The following SMCO2 variants were observed in gnomAD, a reference collection of about 807,000 sequenced individuals.
SMCO2 encodes single-pass membrane protein with coiled-coil domains 2, also known as single-pass membrane and coiled-coil domain-containing protein 2.
Under a neutral mutation model 29.5 loss-of-function variants are expected in SMCO2, and 25 were observed. The observed-to-expected ratio is 0.85, with a 90% confidence interval of 0.62 to 1.18. The LOEUF (loss-of-function observed/expected upper bound fraction) is 1.18. Ranked by LOEUF, SMCO2 falls within the 50% of genes most tolerant of loss-of-function variation. SMCO2 has a pLI of 0.00. For synonymous variants in SMCO2, 117 were observed against 123.3 expected (o/e 0.95, Z 0.34); for missense variants, 348 against 344.5 (o/e 1.01, Z -0.08).
chr12:27,423,662 A>G, the SMCO2 span: 1 of 152,024 alleles, frequency 6.6e-6, no homozygotes, highest in South Asian at 2.1e-4. Flanking sequence ...AAGAATTACC[A>G]CTACAGTAAT....
At chr12:27,490,482 A>G (rs1018588323) in intron 5 of SMCO2, among the ~76,000 whole-genome samples, 2 of 152,238 alleles carry the variant, frequency 1.3e-5, no homozygotes, top group Non-Finnish European at 2.9e-5. Flanking sequence ...ATAGAACTGT[A>G]TACTTTAAAA....
intron 4 of SMCO2, among the ~76,000 whole-genome samples, chr12:27,488,178 T>A: frequency 6.6e-6 from 1 of 152,204 alleles, no homozygotes; most frequent in Non-Finnish European, 1.5e-5. Flanking sequence ...CCCCCAAATT[T>A]TCTGTGTGTT....
chr12:27,497,732 C>CA (rs544348765), intron 7 of SMCO2: 4,308 of 89,272 alleles, frequency 0.048, 185 homozygotes, highest in African/African-American at 0.1. Flanking sequence ...GACCTGGTCT[C>CA]AAAAAAAAAA....
intron 4 of SMCO2, among the ~76,000 whole-genome samples, chr12:27,480,448 C>A (rs767894626): frequency 6.6e-6 from 1 of 152,308 alleles, no homozygotes; most frequent in East Asian, 1.9e-4. Context: ...TTAATCCAGT[C>A]AAGTTGACAT....
chr12:27,502,176 T>C, exon 8 of SMCO2: 2 of 1,355,386 alleles, frequency 1.5e-6, no homozygotes, highest in Admixed American at 3.1e-5. Context: ...ACATTGTGGC[T>C]GTTCCTGTAT....
intron 4 of SMCO2, among the ~76,000 whole-genome samples, chr12:27,488,121 T>C (rs1949705013): frequency 6.6e-6 from 1 of 152,166 alleles, no homozygotes; most frequent in Non-Finnish European, 1.5e-5. Flanking sequence ...CTCTTACAGA[T>C]TATATAATTG....
At chr12:27,502,084 T>C (rs768765170) in exon 8 of SMCO2, 2 of 1,543,566 alleles carry the variant, frequency 1.3e-6, no homozygotes, top group Admixed American at 2.0e-5. Context: ...AGAGAGCCTT[T>C]CTTGAATTTG....
the SMCO2 span, among the ~76,000 whole-genome samples, chr12:27,453,269 C>T: frequency 6.6e-6 from 1 of 152,158 alleles, no homozygotes; most frequent in Non-Finnish European, 1.5e-5. Context: ...TGGGTACACT[C>T]CCTGTTGTTC....
the SMCO2 span, among the ~76,000 whole-genome samples, chr12:27,429,620 G>T: frequency 6.6e-6 from 1 of 152,200 alleles, no homozygotes; most frequent in South Asian, 2.1e-4. Context: ...GGCCCAGAAT[G>T]AGTATAGAAT....
chr12:27,449,708 TA>T, the SMCO2 span, among the ~76,000 whole-genome samples: 1 of 152,230 alleles, frequency 6.6e-6, no homozygotes, highest in Non-Finnish European at 1.5e-5. Flanking sequence ...GATGCACTGA[TA>T]ACACCAATTA....
the SMCO2 span, among the ~76,000 whole-genome samples, chr12:27,442,555 T>C: frequency 6.6e-6 from 1 of 152,202 alleles, no homozygotes. Context: ...AAATGTCTCT[T>C]ATCAAAGAAA....
At chr12:27,490,740 G>A (rs778794901) in intron 5 of SMCO2, among the ~76,000 whole-genome samples, 5 of 152,094 alleles carry the variant, frequency 3.3e-5, no homozygotes, top group Non-Finnish European at 7.4e-5. Flanking sequence ...GACCAGCCAC[G>A]GCAACATAGC....
At position 27,478,183 on chromosome 12, in the gene SMCO2, G is replaced by A. The variant is rs80137768; in HGVS notation, c.362+3270G>A. 6.3e-3 allele frequency among the ~76,000 whole-genome samples: 964 copies of A among 152,296 alleles called. 36 individuals carry two copies. In the East Asian group the frequency reaches 0.11, roughly 18 times the overall value. ...CATGATTTCTTTGGTTGTAATCAGC[G>A]TCAGTGGTATCTGTAAGTTCATCAG... On this transcript the variant is annotated intron_variant, in intron 4 of 7. Transcript: ENST00000298876.
At chr12:27,482,231 C>T (rs1949649984) in intron 4 of SMCO2, among the ~76,000 whole-genome samples, 1 of 152,122 alleles carries the variant, frequency 6.6e-6, no homozygotes, top group African/African-American at 2.4e-5. Context: ...GCTCAGAATA[C>T]ATTCTAATGT....
chr12:27,495,865 A>G lies in SMCO2; in HGVS notation c.683+10A>G. 6.9e-7 allele frequency: 1 copy of G among 1,450,902 alleles called. No individual in the cohort carries two copies. The allele number at this position is 1,450,902 out of a possible 1,614,324, so 89.9% of individuals were successfully genotyped here. ...CCCGCAATACAGCATGGTAAGTCAG[A>G]GCAAGAGGCCATTCAGGGCTGGATG... On this transcript the variant is annotated intron_variant, in intron 7 of 7. Transcript: ENST00000298876.
chr12:27,494,280 A>G lies in SMCO2; in HGVS notation c.451-20A>G. 7.0e-7 allele frequency: 1 copy of G among 1,432,610 alleles called. No homozygotes were observed. Among genetic ancestry groups the G allele is most frequent in the South Asian group, 1.5e-5 (1 of 67,324 alleles). 88.7% of individuals were successfully genotyped at this position (1,432,610 alleles called of 1,614,324 possible). A position where few individuals can be genotyped will look rare whatever the true frequency, so the allele number is the denominator to read the frequency against. ...AAAATATAAGTTTCATTTTACCCAG[A>G]ATTGTGGATGTGTTTTTAGGTGAAT... is the stretch of plus-strand genomic sequence containing the variant. On this transcript the variant is annotated intron_variant, in intron 5 of 7. Transcript: ENST00000298876.
At chr12:27,463,527 G>A (rs954319876), upstream of SMCO2, among the ~76,000 whole-genome samples, 5 of 152,004 alleles carry the variant, frequency 3.3e-5, no homozygotes, top group East Asian at 1.9e-4. Context: ...TCAGCCTCCC[G>A]AAGTGCTGGG....
the SMCO2 span, among the ~76,000 whole-genome samples, chr12:27,431,751 T>C: frequency 1.5e-4 from 23 of 152,348 alleles, no homozygotes; most frequent in African/African-American, 5.5e-4. Flanking sequence ...TTCAATTCTT[T>C]GGACATATAC....
chr12:27,500,198 G>T (rs1423220189), intron 7 of SMCO2, among the ~76,000 whole-genome samples: 1 of 149,902 alleles, frequency 6.7e-6, no homozygotes, highest in Non-Finnish European at 1.5e-5. Flanking sequence ...TGAATATCAT[G>T]CTTAGTAATA....
Sources: gnomAD v4.1 joint callset for allele counts (sites outside exome capture counted in the v4.1 genomes callset) on GRCh38, gnomAD v4.1.1 for gene constraint, MANE v1.5 for transcripts, NCBI Gene and HGNC (gene_info 2026-07-23, HGNC 2026-07-21) for gene names.